Variants in SAMD12 observed in about 807,000 individuals in gnomAD.
The protein encoded by SAMD12 is sterile alpha motif domain-containing protein 12.
A neutral mutation model predicts 15.0 loss-of-function variants in SAMD12; 9 were observed. The ratio of observed to expected loss-of-function variants is 0.60; its 90% CI spans 0.36 to 1.05. SAMD12 has a LOEUF of 1.05. Among genes scored for constraint, SAMD12 ranks in the 50% least tolerant of loss-of-function variants. The pLI is 0.01. For missense variants in SAMD12, 230 were observed against 234.2 expected (o/e 0.98, Z 0.12); for synonymous variants, 86 against 90.1 (o/e 0.96, Z 0.25).
intron 4 of SAMD12, among the ~76,000 whole-genome samples, chr8:118,199,741 A>G (rs7001132): frequency 0.054 from 8,221 of 152,276 alleles, 584 homozygotes; most frequent in African/African-American, 0.15. Flanking sequence ...AGTGGAGTGC[A>G]GTATACTTTA....
intron 4 of SAMD12, among the ~76,000 whole-genome samples, chr8:118,338,012 A>G (rs1817169270): frequency 6.6e-6 from 1 of 152,232 alleles, no homozygotes; most frequent in African/African-American, 2.4e-5. Flanking sequence ...CTTGGAAGGT[A>G]TCCCCTACAG....
chr8:118,408,177 T>C (rs1278356890), intron 3 of SAMD12, among the ~76,000 whole-genome samples: 2 of 152,098 alleles, frequency 1.3e-5, no homozygotes, highest in African/African-American at 4.8e-5. Context: ...TTGATAAGTA[T>C]CCTCAAACTC....
chr8:118,486,258 A>G (rs989312142), intron 2 of SAMD12, among the ~76,000 whole-genome samples: 16 of 151,966 alleles, frequency 1.1e-4, no homozygotes, highest in African/African-American at 3.6e-4. Flanking sequence ...ACTAAAAAAT[A>G]CAAAAAAATT....
intron 2 of SAMD12, among the ~76,000 whole-genome samples, chr8:118,534,831 T>C (rs1248469971): frequency 1.3e-5 from 2 of 152,194 alleles, no homozygotes. Context: ...GTTTTTCTAG[T>C]TAGCCATTCA....
intron 2 of SAMD12, among the ~76,000 whole-genome samples, chr8:118,550,454 A>G (rs942495132): frequency 6.6e-6 from 1 of 152,214 alleles, no homozygotes; most frequent in Non-Finnish European, 1.5e-5. Flanking sequence ...GGAGAAATAA[A>G]ATACTTTACA....
the SAMD12 span, among the ~76,000 whole-genome samples, chr8:118,154,346 C>T: frequency 1.1e-4 from 17 of 152,102 alleles, no homozygotes; most frequent in African/African-American, 1.9e-4. Flanking sequence ...AGCTGATATT[C>T]GCTATGCATG....
chr8:118,515,499 A>G (rs1363358064), intron 2 of SAMD12, among the ~76,000 whole-genome samples: 1 of 152,108 alleles, frequency 6.6e-6, no homozygotes, highest in Non-Finnish European at 1.5e-5. Context: ...ATTTATTTAT[A>G]GCAATGCGAG....
At chr8:118,352,904 T>C (rs1311625499) in intron 4 of SAMD12, among the ~76,000 whole-genome samples, 1 of 151,946 alleles carries the variant, frequency 6.6e-6, no homozygotes, top group African/African-American at 2.4e-5. Context: ...CTACTCAATA[T>C]AGCCCTGCAG....
At chr8:118,311,925 T>A (rs544026197) in intron 4 of SAMD12, among the ~76,000 whole-genome samples, 8 of 152,302 alleles carry the variant, frequency 5.3e-5, no homozygotes, top group African/African-American at 1.9e-4. Context: ...TACTATGACC[T>A]CACACTCAGT....
At chr8:118,135,575 C>A in the SAMD12 span, among the ~76,000 whole-genome samples, 1 of 152,082 alleles carries the variant, frequency 6.6e-6, no homozygotes, top group East Asian at 1.9e-4. Flanking sequence ...CATGTTCTTG[C>A]TCTGTCACCC....
chr8:118,132,968 GTGTGTATATATATA>G, the SAMD12 span, among the ~76,000 whole-genome samples: 7 of 55,882 alleles, frequency 1.3e-4, no homozygotes, highest in African/African-American at 5.2e-4. Flanking sequence ...ATATGTGTGT[GTGTGTATATATATA>G]TATATATATA....
intron 4 of SAMD12, among the ~76,000 whole-genome samples, chr8:118,200,291 T>A (rs1477375576): frequency 6.7e-6 from 1 of 149,378 alleles, no homozygotes; most frequent in African/African-American, 2.5e-5. Flanking sequence ...CATACAGGAG[T>A]GATAGGGAGG....
chr8:118,404,470 G>A (rs1296863381), intron 3 of SAMD12, among the ~76,000 whole-genome samples: 1 of 152,154 alleles, frequency 6.6e-6, no homozygotes, highest in Non-Finnish European at 1.5e-5. Context: ...GTGATAGGTG[G>A]TTGAAATAGT....
chr8:118,498,909 TC>T (rs1372786717), intron 2 of SAMD12, among the ~76,000 whole-genome samples: 6 of 152,182 alleles, frequency 3.9e-5, no homozygotes, highest in African/African-American at 1.4e-4. Context: ...TGAAGTATTT[TC>T]CATATATGCT....
chr8:118,600,665 A>C (rs1367675741), intron 1 of SAMD12, among the ~76,000 whole-genome samples: 1 of 152,180 alleles, frequency 6.6e-6, no homozygotes, highest in Non-Finnish European at 1.5e-5. Context: ...AAATAATTAT[A>C]CATGTAGTAA....
At chr8:118,442,610 C>A (rs952969439) in intron 2 of SAMD12, among the ~76,000 whole-genome samples, 31 of 152,188 alleles carry the variant, frequency 2.0e-4, no homozygotes, top group African/African-American at 7.5e-4. Flanking sequence ...CTTTGCACAA[C>A]TAGGAAGCTA....
chr8:118,351,863 C>A (rs1413983678), intron 4 of SAMD12, among the ~76,000 whole-genome samples: 4 of 152,182 alleles, frequency 2.6e-5, no homozygotes, highest in Admixed American at 2.6e-4. Flanking sequence ...TGTCTGAATT[C>A]TTGTTGGTTT....
At position 118,469,997 on chromosome 8, in the gene SAMD12, G is replaced by A. The variant is rs187989804; in HGVS notation, c.193-30036C>T. Reference sequence around the variant, plus strand: ...ATACCATAATTTTATATATACACACGCACATACATATATATGTATATAATG... The same window carrying A: ...ATACCATAATTTTATATATACACACACACATACATATATATGTATATAATG... On this transcript the variant is annotated intron_variant, in intron 2 of 3. Transcript: ENST00000314727. 2.1e-3 allele frequency among the ~76,000 whole-genome samples: 313 copies of A among 152,022 alleles called. 2 individuals carry two copies. Among genetic ancestry groups the A allele is most frequent in the African/African-American group, 7.3e-3 (303 of 41,460 alleles).
chr8:118,307,125 A>G (rs1815390390), intron 4 of SAMD12, among the ~76,000 whole-genome samples: 1 of 152,208 alleles, frequency 6.6e-6, no homozygotes, highest in Admixed American at 6.5e-5. Flanking sequence ...ACATCACAAG[A>G]AAGGCCATTA....
Sources: allele counts gnomAD v4.1 joint callset (sites outside exome capture counted in the v4.1 genomes callset), GRCh38; gene constraint gnomAD v4.1.1; transcripts MANE v1.5; gene names NCBI Gene and HGNC (gene_info 2026-07-23, HGNC 2026-07-21).